Variants in CSMD1 observed in about 807,000 individuals in gnomAD.
The protein encoded by CSMD1 is CUB and Sushi multiple domains 1.
CSMD1 carries 213 observed loss-of-function variants against 417.5 expected under a neutral mutation model. The ratio of observed to expected loss-of-function variants is 0.51; its 90% CI spans 0.46 to 0.57. The LOEUF (loss-of-function observed/expected upper bound fraction) is 0.57. Ranked by LOEUF, CSMD1 falls within the 20% of genes least tolerant of loss-of-function variation. CSMD1 has a pLI of 0.00. For missense variants in CSMD1, 6,923 were observed against 4,529.7 expected (o/e 1.53, Z -15.17); for synonymous variants, 2,862 against 1,736.8 (o/e 1.65, Z -16.11).
At chr8:3,685,450 G>A (rs1322119157) in intron 7 of CSMD1, among the ~76,000 whole-genome samples, 2 of 152,142 alleles carry the variant, frequency 1.3e-5, no homozygotes, top group Admixed American at 1.3e-4. Context: ...AAGGAAGAAG[G>A]CTTTAATCGG....
At chr8:3,977,505 A>G (rs1245180536) in intron 5 of CSMD1, among the ~76,000 whole-genome samples, 5 of 152,354 alleles carry the variant, frequency 3.3e-5, no homozygotes, top group Admixed American at 3.3e-4. Flanking sequence ...ACTCACAGGT[A>G]ATTTGCTTTG....
chr8:4,819,536 T>C (rs933940373), intron 1 of CSMD1, among the ~76,000 whole-genome samples: 2 of 152,220 alleles, frequency 1.3e-5, no homozygotes, highest in African/African-American at 2.4e-5. Context: ...TCCCTTGTGT[T>C]AGAATCTCAA....
Position 4,902,786 on chromosome 8 carries a change from A to G in CSMD1, c.85+91546T>C, listed in dbSNP as rs544514373. 3.3e-5 allele frequency among the ~76,000 whole-genome samples: 5 copies of G among 152,134 alleles called. 1 individual carries two copies. Among genetic ancestry groups the G allele is most frequent in the African/African-American group, 1.2e-4 (5 of 41,550 alleles). ...TAGCTTATCTGCCCAGGCAGTAAAC[A>G]CAGTTACCAGGTTCATGTGTATCCT... On this transcript the variant is annotated intron_variant, in intron 1 of 69. Transcript: ENST00000635120.
intron 3 of CSMD1, among the ~76,000 whole-genome samples, chr8:4,255,718 T>C (rs902271785): frequency 2.0e-5 from 3 of 152,244 alleles, no homozygotes; most frequent in Non-Finnish European, 2.9e-5. Context: ...CTGTGAGTTA[T>C]TTCTACAAAA....
At position 4,010,904 on chromosome 8, in the gene CSMD1, A is replaced by C. The variant is rs551500709; in HGVS notation, c.611-12794T>G. Among the ~76,000 whole-genome samples, 9 of 152,290 alleles carry C rather than the reference A, an allele frequency of 5.9e-5. No individual in the cohort carries two copies. In the South Asian group the frequency reaches 1.7e-3, roughly 28 times the overall value. ...AAACCAAAAACATACTGAAAGGTCT[A>C]ACTTTACATATATGGCCATAATCCT... On this transcript the variant is annotated intron_variant, in intron 4 of 69. Coordinates refer to ENST00000635120, the MANE Select transcript of CSMD1 (RefSeq NM_033225.6).
At chr8:4,839,327 A>G (rs1203086936) in intron 1 of CSMD1, among the ~76,000 whole-genome samples, 2 of 152,224 alleles carry the variant, frequency 1.3e-5, no homozygotes, top group Admixed American at 6.5e-5. Flanking sequence ...ATAAGATAGC[A>G]TATGCAATGA....
rs144801775 is a variant in CSMD1 at position 4,306,882 on chromosome 8, T to G, written c.415+113071A>C. On this transcript the variant is annotated intron_variant, in intron 3 of 69. Transcript: ENST00000635120. ...CAATCTCTTTTTGCAAAATCTGCAG[T>G]TATGCTTTCCTTACGCTAAAAATAT... Among the ~76,000 whole-genome samples, 347 of 152,230 alleles carry G rather than the reference T, an allele frequency of 2.3e-3. 3 individuals are homozygous for G. The East Asian group carries it at 0.027, about 12-fold the overall frequency.
At chr8:4,448,304 G>T (rs191718919) in intron 2 of CSMD1, among the ~76,000 whole-genome samples, 1 of 152,164 alleles carries the variant, frequency 6.6e-6, no homozygotes, top group Non-Finnish European at 1.5e-5. Flanking sequence ...GGTACATTTT[G>T]TTTGCCGATC....
intron 2 of CSMD1, among the ~76,000 whole-genome samples, chr8:4,524,836 T>C (rs1286428989): frequency 6.6e-6 from 1 of 152,144 alleles, no homozygotes; most frequent in Non-Finnish European, 1.5e-5. Context: ...TTTTCAACAA[T>C]TTATATAATA....
chr8:3,541,171 G>A (rs1230938393), intron 10 of CSMD1, among the ~76,000 whole-genome samples: 1 of 152,168 alleles, frequency 6.6e-6, no homozygotes, highest in Admixed American at 6.5e-5. Context: ...AAATGTGGTA[G>A]ATATACACCA....
chr8:4,035,213 C>A (rs911152031), intron 3 of CSMD1, among the ~76,000 whole-genome samples: 4 of 152,102 alleles, frequency 2.6e-5, no homozygotes, highest in African/African-American at 9.7e-5. Context: ...AGCTATGATG[C>A]ACGTGTCTGT....
At chr8:3,305,368 C>A (rs1563250715) in intron 25 of CSMD1, among the ~76,000 whole-genome samples, 1 of 152,104 alleles carries the variant, frequency 6.6e-6, no homozygotes, top group Non-Finnish European at 1.5e-5. Context: ...TTTACTGTCT[C>A]CACCAAAACT....
At chr8:3,437,971 C>A (rs1814684456) in intron 12 of CSMD1, among the ~76,000 whole-genome samples, 1 of 152,026 alleles carries the variant, frequency 6.6e-6, no homozygotes, top group Admixed American at 6.6e-5. Context: ...GAACTGCTGA[C>A]CTCAGATGAT....
intron 5 of CSMD1, among the ~76,000 whole-genome samples, chr8:3,813,996 C>T (rs753171184): frequency 6.6e-6 from 1 of 152,092 alleles, no homozygotes; most frequent in South Asian, 2.1e-4. Flanking sequence ...AAAAGGAGAA[C>T]CGTTCAACAG....
chr8:4,978,800 T>A (rs2117417862), intron 1 of CSMD1, among the ~76,000 whole-genome samples: 1 of 152,230 alleles, frequency 6.6e-6, no homozygotes, highest in African/African-American at 2.4e-5. Flanking sequence ...TAGCTGGGCA[T>A]GGTGGCAGGT....
chr8:3,568,834 G>A (rs954316964), intron 10 of CSMD1, among the ~76,000 whole-genome samples: 12 of 151,766 alleles, frequency 7.9e-5, no homozygotes, highest in South Asian at 4.2e-4. Context: ...AAGACCCTGG[G>A]GATAAACTTT....
At chr8:3,730,408 G>A (rs948766435) in intron 6 of CSMD1, among the ~76,000 whole-genome samples, 2 of 128,654 alleles carry the variant, frequency 1.6e-5, no homozygotes, top group Non-Finnish European at 3.1e-5. Flanking sequence ...GATCACCACT[G>A]AGCTGGGATA....
At chr8:3,578,562 G>A (rs1177824226) in intron 9 of CSMD1, among the ~76,000 whole-genome samples, 2 of 152,152 alleles carry the variant, frequency 1.3e-5, no homozygotes, top group Non-Finnish European at 1.5e-5. Flanking sequence ...AAATTTATCT[G>A]ATGTTCTGGG....
chr8:4,912,735 T>A (rs148475747), intron 1 of CSMD1, among the ~76,000 whole-genome samples: 10 of 152,282 alleles, frequency 6.6e-5, no homozygotes, highest in African/African-American at 2.4e-4. Flanking sequence ...GACTTTCTAT[T>A]AGTTTGAAAT....
Sources: allele counts gnomAD v4.1 joint callset (sites outside exome capture counted in the v4.1 genomes callset), GRCh38; gene constraint gnomAD v4.1.1; transcripts MANE v1.5; gene names NCBI Gene and HGNC (gene_info 2026-07-23, HGNC 2026-07-21).